CNTN5: variants seen among roughly 807,000 people sequenced by gnomAD.
CNTN5 encodes the protein contactin 5.
Under a neutral mutation model 129.1 loss-of-function variants are expected in CNTN5, and 77 were observed. The ratio of observed to expected loss-of-function variants is 0.60; its 90% CI spans 0.50 to 0.72. The LOEUF (loss-of-function observed/expected upper bound fraction) is 0.72. Ranked by LOEUF, CNTN5 falls within the 30% of genes least tolerant of loss-of-function variation. The pLI is 0.00. For synonymous variants in CNTN5, 509 were observed against 465.6 expected, an observed-to-expected ratio of 1.09 and a Z score of -1.20; for missense variants, 1,478 against 1,328.8, an observed-to-expected ratio of 1.11 and a Z score of -1.75.
At chr11:99,407,309 C>T (rs912816978) in intron 2 of CNTN5, among the ~76,000 whole-genome samples, 7 of 152,056 alleles carry the variant, frequency 4.6e-5, no homozygotes, top group South Asian at 2.1e-4. Context: ...TTCAAATCAG[C>T]GGGTTCCCTT....
chr11:99,968,249 G>A (rs1055079106), intron 8 of CNTN5, among the ~76,000 whole-genome samples: 20 of 152,138 alleles, frequency 1.3e-4, no homozygotes, highest in African/African-American at 3.6e-4. Context: ...TTGAGAATGC[G>A]TGTTGAAAGA....
At chr11:99,872,074 A>T (rs1473698728) in intron 6 of CNTN5, among the ~76,000 whole-genome samples, 2 of 152,018 alleles carry the variant, frequency 1.3e-5, no homozygotes, top group Non-Finnish European at 2.9e-5. Flanking sequence ...TGAACACTGT[A>T]TTCTTTATTG....
intron 1 of CNTN5, among the ~76,000 whole-genome samples, chr11:99,083,860 C>T (rs1448475016): frequency 2.0e-5 from 3 of 152,164 alleles, no homozygotes; most frequent in Non-Finnish European, 4.4e-5. Flanking sequence ...GGCCTCATCA[C>T]TGTATTCTGC....
chr11:99,504,199 C>G (rs1946529250), intron 2 of CNTN5, among the ~76,000 whole-genome samples: 1 of 151,996 alleles, frequency 6.6e-6, no homozygotes, highest in African/African-American at 2.4e-5. Flanking sequence ...TGATAATAAT[C>G]CTAGCACCCA....
chr11:99,495,652 A>G (rs1946197952), intron 2 of CNTN5, among the ~76,000 whole-genome samples: 1 of 152,152 alleles, frequency 6.6e-6, no homozygotes, highest in South Asian at 2.1e-4. Context: ...TCTTCCCTGA[A>G]TGTAATGAAG....
intron 2 of CNTN5, among the ~76,000 whole-genome samples, chr11:99,545,516 T>C (rs1023419520): frequency 2.3e-4 from 35 of 152,302 alleles, no homozygotes; most frequent in African/African-American, 8.4e-4. Flanking sequence ...ACAGAGTAAA[T>C]ATGGGTTTAT....
chr11:100,338,133 G>A (rs1200455617), intron 21 of CNTN5, among the ~76,000 whole-genome samples: 1 of 152,194 alleles, frequency 6.6e-6, no homozygotes, highest in Non-Finnish European at 1.5e-5. Flanking sequence ...GCTAATTACT[G>A]TGGTCCTCAC....
intron 3 of CNTN5, among the ~76,000 whole-genome samples, chr11:99,799,875 T>C (rs1565546285): frequency 6.6e-6 from 1 of 152,040 alleles, no homozygotes; most frequent in African/African-American, 2.4e-5. Context: ...CCATCTGCTC[T>C]GGGCTTATTT....
chr11:100,183,028 G>T (rs1331629698), intron 13 of CNTN5, among the ~76,000 whole-genome samples: 1 of 152,030 alleles, frequency 6.6e-6, no homozygotes. Flanking sequence ...AATTGCTCAA[G>T]ATCATTAGGG....
At chr11:99,242,965 G>T (rs1236669412) in intron 1 of CNTN5, among the ~76,000 whole-genome samples, 3 of 152,058 alleles carry the variant, frequency 2.0e-5, no homozygotes, top group Admixed American at 2.0e-4. Flanking sequence ...TGACTTTATG[G>T]CAGAATGATT....
chr11:100,296,486 G>C (rs1951102819), intron 18 of CNTN5, among the ~76,000 whole-genome samples: 1 of 151,558 alleles, frequency 6.6e-6, no homozygotes, highest in Non-Finnish European at 1.5e-5. Flanking sequence ...AAAGAATAAA[G>C]ATTGGTAACT....
chr11:100,262,563 G>A (rs1256248979), intron 17 of CNTN5, among the ~76,000 whole-genome samples: 1 of 152,164 alleles, frequency 6.6e-6, no homozygotes, highest in Non-Finnish European at 1.5e-5. Context: ...ATGATAGCCT[G>A]GATGAAGAAA....
intron 1 of CNTN5, among the ~76,000 whole-genome samples, chr11:99,169,931 A>C (rs772890680): frequency 1.2e-4 from 19 of 152,164 alleles, no homozygotes; most frequent in Non-Finnish European, 2.1e-4. Flanking sequence ...TAATTACATA[A>C]TTTTTCAATA....
In CNTN5 at chr11:99,661,096, C is replaced by G. The variant is rs140124604; in HGVS notation, c.55+104827C>G. Among the ~76,000 whole-genome samples, 339 of 152,164 alleles carry G rather than the reference C, an allele frequency of 2.2e-3. 1 individual carries two copies. Among genetic ancestry groups the G allele is most frequent in the African/African-American group, 7.4e-3 (309 of 41,540 alleles). On this transcript the variant is annotated intron_variant, in intron 3 of 24. Coordinates refer to ENST00000524871, the MANE Select transcript of CNTN5 (RefSeq NM_014361.4). ...GCTCAATTCTAAACCATTTAAGTGTCTTAGATTGTATTCTCATAATCCTAT... is the reference window on the plus strand; with the variant it reads ...GCTCAATTCTAAACCATTTAAGTGTGTTAGATTGTATTCTCATAATCCTAT...
intron 3 of CNTN5, among the ~76,000 whole-genome samples, chr11:99,721,319 A>T (rs1027481321): frequency 6.6e-6 from 1 of 152,100 alleles, no homozygotes; most frequent in Non-Finnish European, 1.5e-5. Flanking sequence ...ATAGACCAGA[A>T]ATAAGGCCAC....
At chr11:99,106,568 T>A (rs528446648) in intron 1 of CNTN5, among the ~76,000 whole-genome samples, 34 of 152,194 alleles carry the variant, frequency 2.2e-4, no homozygotes, top group African/African-American at 8.2e-4. Flanking sequence ...TTATATCAAA[T>A]ATTAAATATT....
chr11:100,135,763 C>T (rs1413196944), intron 13 of CNTN5, among the ~76,000 whole-genome samples: 1 of 152,082 alleles, frequency 6.6e-6, no homozygotes, highest in Non-Finnish European at 1.5e-5. Context: ...GCAAATATGG[C>T]TATGGTCACA....
chr11:99,305,606 G>T (rs75339244), intron 1 of CNTN5, among the ~76,000 whole-genome samples: 2 of 152,054 alleles, frequency 1.3e-5, no homozygotes, highest in Non-Finnish European at 2.9e-5. Flanking sequence ...ACAATCCACA[G>T]CAATGTTAGT....
intron 3 of CNTN5, among the ~76,000 whole-genome samples, chr11:99,789,582 T>C (rs1228388510): frequency 2.0e-5 from 3 of 152,124 alleles, no homozygotes; most frequent in Non-Finnish European, 4.4e-5. Flanking sequence ...ATCAGCTGTA[T>C]AGGATTCCTT....
Sources: gnomAD v4.1 joint callset for allele counts (sites outside exome capture counted in the v4.1 genomes callset) on GRCh38, gnomAD v4.1.1 for gene constraint, MANE v1.5 for transcripts, NCBI Gene and HGNC (gene_info 2026-07-23, HGNC 2026-07-21) for gene names.